LRRK2: variants seen among roughly 807,000 people sequenced by gnomAD.
The protein encoded by LRRK2 is leucine rich repeat kinase 2, also known as leucine-rich repeat serine/threonine-protein kinase 2.
In LRRK2, 203 loss-of-function variants were observed where a neutral mutation model predicts 302.6. The observed-to-expected ratio is 0.67, with a 90% CI of 0.60 to 0.75. The LOEUF (loss-of-function observed/expected upper bound fraction) is 0.75, where lower values mean the gene tolerates loss of function less well. Among genes scored for constraint, LRRK2 ranks in the 30% least tolerant of loss-of-function variants. LRRK2 has a pLI of 0.00. For synonymous variants in LRRK2, 1,066 were observed against 1,031.9 expected (o/e 1.03, Z -0.63); for missense variants, 2,830 against 2,951.0 (o/e 0.96, Z 0.95).
chr12:40,354,255 A>G (rs757520802), intron 44 of LRRK2, 44 bp from the exon 45 acceptor site: 1 of 1,543,536 alleles, frequency 6.5e-7, no homozygotes, highest in East Asian at 2.3e-5. Flanking sequence ...TAGTTGCTTA[A>G]GCTTAAATCA....
chr12:40,263,692 G>A (rs1461995897), intron 13 of LRRK2, 97 bp from the exon 14 acceptor site: 1 of 855,638 alleles, frequency 1.2e-6, no homozygotes, highest in East Asian at 2.6e-5. Context: ...CACATATATT[G>A]TGAGATTAAT....
At chr12:40,263,742 A>G in intron 13 of LRRK2, 47 bp from the exon 14 acceptor site, 1 of 1,366,832 alleles carries the variant, frequency 7.3e-7, no homozygotes, top group Non-Finnish European at 1.0e-6. Context: ...TTCAACTCAA[A>G]TGTTTATAAG....
intron 12 of LRRK2, 34 bp downstream of exon 12, chr12:40,257,411 T>C (rs760345720): frequency 1.9e-6 from 3 of 1,596,670 alleles, no homozygotes; most frequent in Non-Finnish European, 2.6e-6. Context: ...ACAGAATATA[T>C]CATATTGGGC....
intron 14 of LRRK2, among the ~76,000 whole-genome samples, chr12:40,271,066 C>T (rs1213911772): frequency 1.3e-5 from 2 of 152,130 alleles, no homozygotes; most frequent in East Asian, 1.9e-4. Flanking sequence ...TGTGAGCCAC[C>T]GTGACCAGCC....
chr12:40,366,659 T>C, intron 49 of LRRK2: 1 of 267,818 alleles, frequency 3.7e-6, no homozygotes, highest in Admixed American at 5.1e-5. Context: ...ATACTCATAT[T>C]TGTACCTTAC....
intron 40 of LRRK2, among the ~76,000 whole-genome samples, chr12:40,336,818 T>C (rs1469659412): frequency 3.9e-5 from 6 of 152,200 alleles, no homozygotes; most frequent in Admixed American, 3.9e-4. Context: ...GTCTCCTGTA[T>C]TTCAGTGCCC....
intron 18 of LRRK2, among the ~76,000 whole-genome samples, chr12:40,283,519 T>C (rs1485354363): frequency 6.6e-6 from 1 of 152,222 alleles, no homozygotes; most frequent in Non-Finnish European, 1.5e-5. Context: ...GTTTCCCAGG[T>C]ATCTTACAGT....
rs542283859 is a variant in LRRK2 at position 40,309,045 on chromosome 12, A to G, written c.4190-61A>G. On this transcript the variant is annotated intron_variant, in intron 29 of 50. Transcript: ENST00000298910. ...TATTATTCTCCCAGATTTTTTTTTAAAAAAGGATTCTTGCCTGTCGTTTGA... is the reference window on the plus strand; with the variant it reads ...TATTATTCTCCCAGATTTTTTTTTAGAAAAGGATTCTTGCCTGTCGTTTGA... 39 of 1,560,558 alleles carry G rather than the reference A, an allele frequency of 2.5e-5. No individual in the cohort carries two copies. The African/African-American group carries it at 4.4e-4, about 18-fold the overall frequency.
chr12:40,363,252 G>A, intron 47 of LRRK2, 150 bp from the exon 48 acceptor site: 1 of 668,386 alleles, frequency 1.5e-6, no homozygotes. Context: ...AGAATGGTTA[G>A]GGAAGAATAT....
At chr12:40,248,985 CT>C (rs1174417486) in intron 7 of LRRK2, among the ~76,000 whole-genome samples, 2 of 152,118 alleles carry the variant, frequency 1.3e-5, no homozygotes. Context: ...CTTAAACTGC[CT>C]TTTGATTGTG....
chr12:40,341,766 C>A (rs915182850), intron 41 of LRRK2, among the ~76,000 whole-genome samples: 9 of 152,216 alleles, frequency 5.9e-5, no homozygotes, highest in Admixed American at 3.9e-4. Flanking sequence ...TAAATGAGAA[C>A]CAGATCCAGA....
chr12:40,265,496 A>T (rs1302867331), intron 14 of LRRK2, among the ~76,000 whole-genome samples: 1 of 152,000 alleles, frequency 6.6e-6, no homozygotes, highest in Admixed American at 6.6e-5. Context: ...CACTAGGAAG[A>T]CTCCCTTTGT....
chr12:40,289,756 A>G (rs1051259383), intron 20 of LRRK2, among the ~76,000 whole-genome samples: 1 of 151,812 alleles, frequency 6.6e-6, no homozygotes, highest in Non-Finnish European at 1.5e-5. Flanking sequence ...ATATAGAAAC[A>G]TAATTCATTT....
intron 20 of LRRK2, among the ~76,000 whole-genome samples, chr12:40,291,662 G>A (rs1944164577): frequency 6.6e-6 from 1 of 151,790 alleles, no homozygotes; most frequent in Non-Finnish European, 1.5e-5. Flanking sequence ...TCTTGGTGAT[G>A]TGCCATGTGC....
At chr12:40,334,438 G>A (rs1945807059) in intron 39 of LRRK2, among the ~76,000 whole-genome samples, 1 of 152,178 alleles carries the variant, frequency 6.6e-6, no homozygotes, top group Admixed American at 6.5e-5. Flanking sequence ...ACCACTGATA[G>A]CCCACTGTTG....
rs72546337 is a variant in LRRK2, at chr12:40,284,061, A to T, written c.2428A>T (p.Ile810Leu). 5 of 1,613,612 alleles carry T rather than the reference A, an allele frequency of 3.1e-6. No homozygotes were observed. The highest frequency in any genetic ancestry group is 4.2e-6 in the Non-Finnish European group (5 of 1,179,626). Residue 810 changes from isoleucine (I) to leucine (L), a missense_variant, in exon 19 of 51, where the codon ATA becomes TTA. Coordinates refer to ENST00000298910, the MANE Select transcript of LRRK2 (RefSeq NM_198578.4). ...NNSICLGGFC[I>L]GKVEPSWLGP... ...TAGCATTTGCCTTGGAGGATTTTGT[A>T]TAGGAAAAGTTGAACCTTCTTGGCT...
At chr12:40,327,833 G>C (rs746581550) in intron 38 of LRRK2, among the ~76,000 whole-genome samples, 8 of 152,250 alleles carry the variant, frequency 5.3e-5, no homozygotes, top group Admixed American at 1.3e-4. Flanking sequence ...TAGCCGTGGG[G>C]TTAGACCACA....
Position 40,335,117 on chromosome 12 carries a change from C to G in LRRK2, c.5908C>G (p.Leu1970Val), listed in dbSNP as rs369497805. Residue 1970 changes from leucine (L) to valine (V), a missense_variant, in exon 40 of 51, where the codon CTA becomes GTA. Coordinates refer to ENST00000298910, the MANE Select transcript of LRRK2 (RefSeq NM_198578.4). Reference sequence around the variant, plus strand: ...GGACAAAGCCAGCCTCACTAGAACCCTACAGCACAGGATTGCACTCCACGT... The same window carrying G: ...GGACAAAGCCAGCCTCACTAGAACCGTACAGCACAGGATTGCACTCCACGT... ...QQDKASLTRT[L>V]QHRIALHVAD... The G allele has an allele frequency of 1.2e-6, 2 of 1,613,924 alleles. No homozygotes were observed. The highest frequency in any genetic ancestry group is 3.3e-5 in the Admixed American group (2 of 59,976).
intron 47 of LRRK2, among the ~76,000 whole-genome samples, chr12:40,361,313 T>A (rs1186274062): frequency 6.6e-6 from 1 of 152,136 alleles, no homozygotes; most frequent in Admixed American, 6.6e-5. Flanking sequence ...ACCCACATTT[T>A]AAAAAATGAA....
Sources: gnomAD v4.1 joint callset for allele counts (sites outside exome capture counted in the v4.1 genomes callset) on GRCh38, gnomAD v4.1.1 for gene constraint, MANE v1.5 for transcripts, NCBI Gene and HGNC (gene_info 2026-07-23, HGNC 2026-07-21) for gene names.